The following IL1RAPL2 variants were observed in gnomAD, a reference collection of about 807,000 sequenced individuals.
IL1RAPL2 encodes the protein interleukin 1 receptor accessory protein like 2, also known as X-linked interleukin-1 receptor accessory protein-like 2.
IL1RAPL2 carries 3 observed loss-of-function variants against 44.1 expected under a neutral mutation model. The observed-to-expected ratio is 0.07, with a 90% confidence interval of 0.03 to 0.18. The LOEUF is 0.18. IL1RAPL2 is among the 10% of genes least tolerant of loss of function. The pLI, the probability that IL1RAPL2 is intolerant of heterozygous loss-of-function variation, is 1.00. For synonymous variants in IL1RAPL2, 181 were observed against 178.8 expected (o/e 1.01, Z -0.10); for missense variants, 391 against 496.4 (o/e 0.79, Z 2.02).
chrX:104,580,453 G>A (rs1177105503), intron 1 of IL1RAPL2, among the ~76,000 whole-genome samples: 1 of 112,664 alleles, frequency 8.9e-6, no homozygotes, highest in African/African-American at 3.2e-5. Flanking sequence ...GTGTTTGGTA[G>A]GGGAACCATA....
At chrX:105,031,588 T>G (rs1314458737) in intron 2 of IL1RAPL2, among the ~76,000 whole-genome samples, 3 of 112,026 alleles carry the variant, frequency 2.7e-5, no homozygotes, top group African/African-American at 9.7e-5. Flanking sequence ...ATCCCAGGGA[T>G]GAAGCCCACT....
chrX:105,113,047 G>C (rs2032817879), intron 2 of IL1RAPL2, among the ~76,000 whole-genome samples: 1 of 112,557 alleles, frequency 8.9e-6, no homozygotes, highest in African/African-American at 3.2e-5. Context: ...CCAAAAGCAA[G>C]CATCTTTGCA....
intron 6 of IL1RAPL2, among the ~76,000 whole-genome samples, chrX:105,493,102 A>G (rs1198063956): frequency 3.6e-5 from 4 of 112,398 alleles, no homozygotes; most frequent in Non-Finnish European, 7.5e-5. Flanking sequence ...TATTGCATGT[A>G]TAAGTACTTC....
chrX:104,790,923 A>G (rs952306180), intron 2 of IL1RAPL2, among the ~76,000 whole-genome samples: 1 of 111,911 alleles, frequency 8.9e-6, no homozygotes. Flanking sequence ...AAGGAAGCCC[A>G]TGGTCACAAT....
rs190011952 is a variant in IL1RAPL2 at position 105,011,420 on chromosome X, G to A, written c.83-184055G>A. 1.1e-4 allele frequency among the ~76,000 whole-genome samples: 12 copies of A among 111,061 alleles called. No homozygotes were observed. The East Asian group carries it at 3.2e-3, about 29-fold the overall frequency. On this transcript the variant is annotated intron_variant, in intron 2 of 10. Coordinates refer to ENST00000372582, the MANE Select transcript of IL1RAPL2 (RefSeq NM_017416.2). The stretch of plus-strand genomic sequence containing the variant: ...TAAAAACCACCCATTTTATTGTATA[G>A]TTAAATGATTTTTAGTAAATTTGCC...
At chrX:104,577,474 A>G (rs5962954) in intron 1 of IL1RAPL2, among the ~76,000 whole-genome samples, 48,148 of 110,680 alleles carry the variant, frequency 0.44, 8,378 homozygotes, top group Middle Eastern at 0.64. Context: ...TCACAGGGAC[A>G]AAAGAATGAG....
intron 6 of IL1RAPL2, among the ~76,000 whole-genome samples, chrX:105,685,161 G>A (rs1343641124): frequency 2.7e-5 from 3 of 111,862 alleles, no homozygotes; most frequent in South Asian, 3.8e-4. Context: ...CCAAAGGATC[G>A]CAGCTCCTCA....
At chrX:104,849,371 T>TATATATATATATATATA (rs1298461170) in intron 2 of IL1RAPL2, among the ~76,000 whole-genome samples, 15 of 96,257 alleles carry the variant, frequency 1.6e-4, no homozygotes, top group South Asian at 4.5e-4. Context: ...TATATATGGA[T>TATATATATATATATATA]TACTTACGGA....
intron 2 of IL1RAPL2, among the ~76,000 whole-genome samples, chrX:104,893,309 A>T (rs758227413): frequency 1.8e-5 from 2 of 111,569 alleles, no homozygotes; most frequent in Non-Finnish European, 3.8e-5. Context: ...TATTAGGTCC[A>T]CTTGGTGCAG....
At chrX:104,619,619 G>A (rs1291514968) in intron 1 of IL1RAPL2, among the ~76,000 whole-genome samples, 4 of 111,901 alleles carry the variant, frequency 3.6e-5, no homozygotes, top group African/African-American at 6.5e-5. Flanking sequence ...TGCTACTTCC[G>A]AGTGGCTGAG....
At chrX:105,068,511 T>C (rs1427873312) in intron 2 of IL1RAPL2, among the ~76,000 whole-genome samples, 2 of 112,064 alleles carry the variant, frequency 1.8e-5, no homozygotes, top group East Asian at 2.8e-4. Context: ...TTAAGAACTA[T>C]TGTGACAGGA....
chrX:105,123,879 C>G (rs1403339804), intron 2 of IL1RAPL2, among the ~76,000 whole-genome samples: 2 of 110,889 alleles, frequency 1.8e-5, no homozygotes, highest in African/African-American at 6.5e-5. Flanking sequence ...CTCCATGACT[C>G]TTATCAACAT....
intron 2 of IL1RAPL2, among the ~76,000 whole-genome samples, chrX:104,741,225 A>C (rs1932098048): frequency 9.0e-6 from 1 of 111,547 alleles, no homozygotes; most frequent in Non-Finnish European, 1.9e-5. Context: ...TCTCTAGTAC[A>C]TTTAAGCATC....
intron 2 of IL1RAPL2, among the ~76,000 whole-genome samples, chrX:104,772,901 T>C (rs1383889522): frequency 9.0e-6 from 1 of 111,393 alleles, no homozygotes; most frequent in African/African-American, 3.3e-5. Context: ...CCACAGGAAG[T>C]ACAATTTTTT....
chrX:105,083,832 G>C (rs1182841073), intron 2 of IL1RAPL2, among the ~76,000 whole-genome samples: 2 of 112,105 alleles, frequency 1.8e-5, no homozygotes, highest in Non-Finnish European at 3.8e-5. Flanking sequence ...ACATGGAAAA[G>C]AAGACCGGTA....
chrX:105,419,656 G>A (rs748165690), intron 5 of IL1RAPL2, among the ~76,000 whole-genome samples: 1 of 112,170 alleles, frequency 8.9e-6, no homozygotes, highest in Non-Finnish European at 1.9e-5. Flanking sequence ...AGCAATGCAA[G>A]TATCACAGCA....
intron 2 of IL1RAPL2, among the ~76,000 whole-genome samples, chrX:105,165,056 G>C (rs1218678229): frequency 9.0e-6 from 1 of 111,352 alleles, no homozygotes; most frequent in Admixed American, 9.6e-5. Context: ...TCCTTCTCCT[G>C]TGTTGGCTCT....
intron 2 of IL1RAPL2, among the ~76,000 whole-genome samples, chrX:104,811,622 A>G (rs1932981367): frequency 9.0e-6 from 1 of 110,763 alleles, no homozygotes; most frequent in Non-Finnish European, 1.9e-5. Flanking sequence ...GGAGGTGTGG[A>G]TGGAGAACAC....
At chrX:105,586,327 A>T (rs1212841341) in intron 6 of IL1RAPL2, among the ~76,000 whole-genome samples, 1 of 111,911 alleles carries the variant, frequency 8.9e-6, no homozygotes, top group African/African-American at 3.3e-5. Context: ...CAGAATGGCA[A>T]TTTTTAAAAA....
Sources: allele counts gnomAD v4.1 joint callset (sites outside exome capture counted in the v4.1 genomes callset), GRCh38; gene constraint gnomAD v4.1.1; transcripts MANE v1.5; gene names NCBI Gene and HGNC (gene_info 2026-07-23, HGNC 2026-07-21).